The following MYH2 variants were observed in gnomAD, a reference collection of about 807,000 sequenced individuals.
The protein encoded by MYH2 is myosin heavy chain 2.
In MYH2, 139 loss-of-function variants were observed where a neutral mutation model predicts 228.1. The ratio of observed to expected loss-of-function variants is 0.61; its 90% confidence interval spans 0.53 to 0.70. The LOEUF is 0.70. MYH2 is among the 30% of genes least tolerant of loss of function. The probability of loss-of-function intolerance (pLI) is 0.00; values close to 1 mark genes in which losing one functional copy is unlikely to be tolerated. For synonymous variants in MYH2, 796 were observed against 871.1 expected, an observed-to-expected ratio of 0.91 and a Z score of 1.52; for missense variants, 1,809 against 2,357.5, an observed-to-expected ratio of 0.77 and a Z score of 4.82.
chr17:10,522,952 T>C (rs561937184), intron 39 of MYH2, 138 bp downstream of exon 39: 2 of 670,454 alleles, frequency 3.0e-6, no homozygotes, highest in South Asian at 1.8e-5. Flanking sequence ...ATATTACAAA[T>C]GATACACAAG....
Position 10,528,975 on chromosome 17 carries a change from G to A in MYH2, c.3459C>T (p.Ser1153=), listed in dbSNP as rs142095822. Residue 1153 remains serine, a synonymous_variant, in exon 27 of 40, where the codon AGC becomes AGT. Coordinates refer to ENST00000245503, the MANE Select transcript of MYH2 (RefSeq NM_017534.6). The part of the protein sequence containing the change: ...SDLSRELEEI[S]ERLEEAGGAT... ...CCCCACCGGCTTCTTCCAGCCTCTC[G>A]CTGATCTCCTCCAGCTCCCGGGAGA... 104 of 1,614,000 alleles carry A rather than the reference G, an allele frequency of 6.4e-5. No individual in the cohort carries two copies. The highest frequency in any genetic ancestry group is 1.5e-4 in the South Asian group (14 of 91,084).
Position 10,535,123 on chromosome 17 carries a change from G to T in MYH2, c.2130C>A (p.Ile710=). ...TTCTGCTTGGAAATCCTTTCCTACA[G>T]ATGCGGATGCCTTCCAGCACACCGT... ...RCNGVLEGIR[I]CRKGFPSRIL... Residue 710 remains isoleucine (I), a synonymous_variant, in exon 19 of 40, where the codon ATC becomes ATA. Transcript: ENST00000245503. 2 of 1,614,162 alleles carry T rather than the reference G, an allele frequency of 1.2e-6. No individual in the cohort carries two copies. The highest frequency in any genetic ancestry group is 2.2e-5 in the South Asian group (2 of 91,084).
Position 10,544,136 on chromosome 17 carries a change from G to T in MYH2, c.506-9C>A. 1 of 1,612,078 alleles carries T rather than the reference G, an allele frequency of 6.2e-7. No homozygotes were observed. Among genetic ancestry groups the T allele is most frequent in the Non-Finnish European group, 8.5e-7 (1 of 1,178,256 alleles). ...TGACTGATTCTCTCGGTCTACAAAAGAAATTATAGACATTTAATACTGTTT... is the reference window on the plus strand; with the variant it reads ...TGACTGATTCTCTCGGTCTACAAAATAAATTATAGACATTTAATACTGTTT... On this transcript the variant is annotated splice_polypyrimidine_tract_variant and intron_variant, in intron 5 of 39. Transcript: ENST00000245503.
chr17:10,539,932 T>C lies in MYH2; in HGVS notation c.1143A>G (p.Thr381=). ...QREEQAEPDG[T]EVADKAAYLQ... is the part of the protein sequence containing the mutation. Reference sequence around the variant, plus strand: ...TGGGAGTGACTTAGTTGATACCTTCTGTGCCATCTGGCTCTGCTTGCTCCT... The same window carrying C: ...TGGGAGTGACTTAGTTGATACCTTCCGTGCCATCTGGCTCTGCTTGCTCCT... The change falls in exon 12 of 40, where the codon ACA becomes ACG. Residue 381 remains threonine, a synonymous_variant. Transcript: ENST00000245503. 3 of 1,614,084 alleles carry C rather than the reference T, an allele frequency of 1.9e-6. No individual in the cohort carries two copies. Among genetic ancestry groups the C allele is most frequent in the Non-Finnish European group, 2.5e-6 (3 of 1,179,966 alleles).
chr17:10,532,029 G>T, intron 21 of MYH2, 141 bp from the exon 22 acceptor site: 1 of 1,068,890 alleles, frequency 9.4e-7, no homozygotes, highest in Non-Finnish European at 1.4e-6. Context: ...ATTTCGGGAT[G>T]ATGGTCAAGG....
At position 10,526,643 on chromosome 17, in the gene MYH2, G is replaced by A. The variant is rs1042076; in HGVS notation, c.4143C>T (p.Tyr1381=). 9.9e-6 allele frequency: 16 copies of A among 1,613,988 alleles called. No individual in the cohort carries two copies. Among genetic ancestry groups the A allele is most frequent in the East Asian group, 4.5e-5 (2 of 44,868 alleles). The change falls in exon 30 of 40, where the codon TAC becomes TAT. Residue 1381 remains tyrosine, a synonymous_variant. Coordinates refer to ENST00000245503, the MANE Select transcript of MYH2 (RefSeq NM_017534.6). ...CTGTGCGCTGGATGGCGTCCGTCTC[G>A]TATTTGGTCCTCCATTGGGCAACCT... The part of the protein sequence containing the change: ...NTEVAQWRTK[Y]ETDAIQRTEE...
intron 3 of MYH2, 31 bp downstream of exon 3, chr17:10,547,686 A>C: frequency 6.2e-7 from 1 of 1,614,120 alleles, no homozygotes; most frequent in Non-Finnish European, 8.5e-7. Flanking sequence ...AAAATCAATA[A>C]AATGTGGCAA....
chr17:10,522,659 A>T (rs1217291274), intron 39 of MYH2, among the ~76,000 whole-genome samples: 1 of 152,110 alleles, frequency 6.6e-6, no homozygotes, highest in Non-Finnish European at 1.5e-5. Flanking sequence ...CACAGCTTTG[A>T]CTACATTCTG....
intron 5 of MYH2, 136 bp from the exon 6 acceptor site, chr17:10,544,263 C>T: frequency 1.0e-6 from 1 of 979,746 alleles, no homozygotes; most frequent in Non-Finnish European, 1.6e-6. Context: ...TTTAGACCTA[C>T]CACTTTCTCC....
chr17:10,533,734 A>G, intron 19 of MYH2, 102 bp from the exon 20 acceptor site: 3 of 1,451,620 alleles, frequency 2.1e-6, no homozygotes, highest in Admixed American at 3.5e-5. Flanking sequence ...TTAAAAAAAT[A>G]TTATTCTTTG....
chr17:10,542,778 TA>T, intron 10 of MYH2, 96 bp downstream of exon 10: 1 of 764,394 alleles, frequency 1.3e-6, no homozygotes, highest in Non-Finnish European at 2.1e-6. Flanking sequence ...AAAAGGCACA[TA>T]AACTTGACAA....
At chr17:10,540,090 G>C in intron 11 of MYH2, 24 bp from the exon 12 acceptor site, 1 of 1,613,794 alleles carries the variant, frequency 6.2e-7, no homozygotes, top group East Asian at 2.2e-5. Context: ...CAATAGGATA[G>C]CTGTTAGGTT....
At position 10,536,588 on chromosome 17, in the gene MYH2, G is replaced by T; in HGVS notation, c.1916C>A (p.Ala639Asp). The change falls in exon 17 of 40, where the codon GCC becomes GAC. Residue 639 changes from alanine to aspartate, a missense_variant. Transcript: ENST00000245503. ...TAEGEGAGGG[A>D]KKGGKKKGSS... is the part of the protein sequence containing the mutation. ...GCCCTTCTTCTTACCACCTTTCTTG[G>T]CCCCTCCACCAGCTCCCTCTGAAGA... The T allele has an allele frequency of 6.2e-7, 1 of 1,613,778 alleles. No homozygotes were observed. Among genetic ancestry groups the T allele is most frequent in the Non-Finnish European group, 8.5e-7 (1 of 1,179,846 alleles).
Position 10,539,480 on chromosome 17 carries a change from G to C in MYH2, c.1230C>G (p.Gly410=). 6.2e-7 allele frequency: 1 copy of C among 1,614,172 alleles called. No homozygotes were observed. ...KALCYPRVKV[G]NEYVTKGQTV... ...TCTGGCCTTTGGTGACATACTCATT[G>C]CCGACCTTGACCCTGGGGTAGCAGA... Residue 410 remains glycine (G), a synonymous_variant, in exon 13 of 40, where the codon GGC becomes GGG. Coordinates refer to ENST00000245503, the MANE Select transcript of MYH2 (RefSeq NM_017534.6).
chr17:10,543,738 G>A lies in MYH2; in HGVS notation c.714C>T (p.Thr238=), dbSNP rs762210864. ...PLLEAFGNAK[T]VRNDNSSRFG... is the part of the protein sequence containing the mutation. ...AGCGAGAGGAGTTGTCATTCCTCAC[G>A]GTCTTGGCGTTGCCAAAGGCCTCCA... Residue 238 remains threonine (T), a synonymous_variant, in exon 8 of 40, where the codon ACC becomes ACT. Transcript: ENST00000245503. The A allele has an allele frequency of 8.7e-6, 14 of 1,614,070 alleles. No individual in the cohort carries two copies. The highest frequency in any genetic ancestry group is 7.7e-5 in the South Asian group (7 of 91,078).
chr17:10,537,468 C>T lies in MYH2; in HGVS notation c.1662G>A (p.Lys554=), dbSNP rs1456705494. The change falls in exon 16 of 40, where the codon AAG becomes AAA. Residue 554 remains lysine, a synonymous_variant. Transcript: ENST00000245503. This position sits in a 1 kb window ranked among gnomAD's most constrained non-coding sequence, Gnocchi z 4.0. ...PKATDTSFKN[K]LYDQHLGKSA... ...ACTTGCCCAGGTGCTGGTCATACAG[C>T]TTGTTCTTGAAGGAGGTGTCTGTTG... 8 of 1,614,094 alleles carry T rather than the reference C, an allele frequency of 5.0e-6. No homozygotes were observed. The highest frequency in any genetic ancestry group is 6.8e-6 in the Non-Finnish European group (8 of 1,180,050).
At chr17:10,546,272 T>TATATATAC (rs2073629899) in intron 4 of MYH2, among the ~76,000 whole-genome samples, 1 of 132,544 alleles carries the variant, frequency 7.5e-6, no homozygotes, top group Non-Finnish European at 1.6e-5. Context: ...TATATATATA[T>TATATATAC]ATATATATAT....
chr17:10,536,217 A>G (rs546022076), intron 17 of MYH2, among the ~76,000 whole-genome samples: 4 of 152,330 alleles, frequency 2.6e-5, no homozygotes, highest in South Asian at 4.1e-4. Flanking sequence ...GGTACAGTGT[A>G]CACTGCTCTG....
intron 4 of MYH2, 123 bp downstream of exon 4, chr17:10,547,352 C>A (rs548549405): frequency 3.9e-6 from 5 of 1,270,900 alleles, no homozygotes; most frequent in Non-Finnish European, 5.8e-6. Context: ...AGCCTTTTAA[C>A]TAGTTATGCT....
Sources: gnomAD v4.1 joint callset for allele counts (sites outside exome capture counted in the v4.1 genomes callset) on GRCh38, gnomAD v4.1.1 for gene constraint, Gnocchi (gnomAD v3.1) non-coding constraint, MANE v1.5 for transcripts, NCBI Gene and HGNC (gene_info 2026-07-23, HGNC 2026-07-21) for gene names.